Variants in ABLIM1 observed in about 807,000 individuals in gnomAD.
ABLIM1 encodes actin-binding LIM protein 1.
Under a neutral mutation model 107.0 loss-of-function variants are expected in ABLIM1, and 40 were observed. The observed-to-expected ratio is 0.37, with a 90% CI of 0.29 to 0.49. The LOEUF (loss-of-function observed/expected upper bound fraction) is 0.49, where lower values mean the gene tolerates loss of function less well. ABLIM1 is among the 20% of genes least tolerant of loss of function. The pLI is 0.97. For missense variants in ABLIM1, 857 were observed against 1,008.5 expected, an observed-to-expected ratio of 0.85 and a Z score of 2.04; for synonymous variants, 357 against 357.3, an observed-to-expected ratio of 1.00 and a Z score of 0.01.
At chr10:114,472,846 C>A in intron 10 of ABLIM1, 131 bp downstream of exon 10, 1 of 909,714 alleles carries the variant, frequency 1.1e-6, no homozygotes, top group Non-Finnish European at 1.6e-6. Context: ...AGCACCTGGT[C>A]TAGAAATCTG....
chr10:114,559,319 C>CTAGTCGGGTGTGGTG (rs1166323961), intron 4 of ABLIM1, among the ~76,000 whole-genome samples: 2 of 151,536 alleles, frequency 1.3e-5, no homozygotes, highest in South Asian at 2.1e-4. Flanking sequence ...ATTCTGATTT[C>CTAGTCGGGTGTGGTG]TAGTCGGGTG....
At chr10:114,754,988 C>A (rs1481467256) in intron 1 of ABLIM1, among the ~76,000 whole-genome samples, 1 of 152,130 alleles carries the variant, frequency 6.6e-6, no homozygotes, top group Non-Finnish European at 1.5e-5. Flanking sequence ...ATTATTCCTA[C>A]AACTATCCAA....
chr10:114,453,723 C>G (rs763522347), intron 12 of ABLIM1, among the ~76,000 whole-genome samples: 13 of 152,132 alleles, frequency 8.5e-5, no homozygotes, highest in Non-Finnish European at 1.8e-4. Flanking sequence ...CGGTCAGGTG[C>G]GTCATTCCAA....
chr10:114,511,991 G>C (rs1055705096), intron 6 of ABLIM1, among the ~76,000 whole-genome samples: 20 of 152,150 alleles, frequency 1.3e-4, no homozygotes, highest in African/African-American at 4.6e-4. Context: ...TGTCTTCCTG[G>C]AGCAGAAAGA....
rs147019229 is a variant in ABLIM1 at position 114,619,989 on chromosome 10, C to T, written c.245-18028G>A. Among the ~76,000 whole-genome samples, 119 of 152,284 alleles carry T rather than the reference C, an allele frequency of 7.8e-4. No homozygotes were observed. Among genetic ancestry groups the T allele is most frequent in the African/African-American group, 2.6e-3 (106 of 41,560 alleles). On this transcript the variant is annotated intron_variant, in intron 1 of 22. Transcript: ENST00000533213. This position sits in a 1 kb window ranked among gnomAD's most constrained non-coding sequence, Gnocchi z 4.1. ...TCCCGTTGCAAGTGAAGAAACCCAACGTAACCCAAACATACCTATTATCAC... is the reference window on the plus strand; with the variant it reads ...TCCCGTTGCAAGTGAAGAAACCCAATGTAACCCAAACATACCTATTATCAC...
At chr10:114,606,885 C>G (rs1348007213) in intron 1 of ABLIM1, among the ~76,000 whole-genome samples, 2 of 152,202 alleles carry the variant, frequency 1.3e-5, no homozygotes, top group Non-Finnish European at 2.9e-5. Flanking sequence ...ATCCAGACCT[C>G]TTTATACCAG....
chr10:114,581,992 C>G (rs2073435128), intron 2 of ABLIM1, among the ~76,000 whole-genome samples: 1 of 152,074 alleles, frequency 6.6e-6, no homozygotes, highest in African/African-American at 2.4e-5. Flanking sequence ...CTCACCACTC[C>G]ATAGAACTGG....
At chr10:114,646,747 G>A (rs547954780) in intron 1 of ABLIM1, among the ~76,000 whole-genome samples, 10 of 152,278 alleles carry the variant, frequency 6.6e-5, no homozygotes, top group Admixed American at 2.0e-4. Flanking sequence ...GCCACATATA[G>A]AAAAATGAAC....
Position 114,583,468 on chromosome 10 carries a change from CATATATATATATAT to C in ABLIM1, c.380-7883_380-7870del, listed in dbSNP as rs140129654. Among the ~76,000 whole-genome samples, 95 of 15,088 alleles carry C rather than the reference CATATATATATATAT, an allele frequency of 6.3e-3. 2 individuals carry two copies. The highest frequency in any genetic ancestry group is 0.01 in the African/African-American group (42 of 4,166). The allele number at this position is 15,088 out of a possible 152,430, so 9.9% of individuals were successfully genotyped here. A position where few individuals can be genotyped will look rare whatever the true frequency, so the allele number is the denominator to read the frequency against. ...ACACACACACACACACACACACACA[CATATATATATATAT>C]ATATATATATATATATATATATATA... On this transcript the variant is annotated intron_variant, in intron 2 of 22. Coordinates refer to ENST00000533213, the MANE Select transcript of ABLIM1 (RefSeq NM_002313.7).
At chr10:114,506,011 C>T (rs1015014009) in intron 6 of ABLIM1, among the ~76,000 whole-genome samples, 6 of 152,186 alleles carry the variant, frequency 3.9e-5, no homozygotes, top group Admixed American at 1.3e-4. Flanking sequence ...AACCCACTTC[C>T]CCTGTCACCA....
At chr10:114,464,184 A>AG (rs1376560147) in intron 12 of ABLIM1, among the ~76,000 whole-genome samples, 2 of 131,386 alleles carry the variant, frequency 1.5e-5, no homozygotes, top group African/African-American at 5.7e-5. Flanking sequence ...AGCATAAAGG[A>AG]TTTTTTTTTT....
At chr10:114,691,115 G>T (rs137942953) in intron 1 of ABLIM1, among the ~76,000 whole-genome samples, 1 of 152,176 alleles carries the variant, frequency 6.6e-6, no homozygotes, top group East Asian at 1.9e-4. Flanking sequence ...AGAAAACTAA[G>T]CCTAAAGACA....
chr10:114,518,505 T>G (rs986283280), intron 6 of ABLIM1, among the ~76,000 whole-genome samples: 2 of 151,530 alleles, frequency 1.3e-5, no homozygotes, highest in Admixed American at 6.6e-5. Flanking sequence ...ACAGACGTGG[T>G]CCTGTGCCAA....
At chr10:114,439,690 T>C (rs2059927162) in intron 20 of ABLIM1, 2 of 352,970 alleles carry the variant, frequency 5.7e-6, no homozygotes, top group South Asian at 7.0e-5. Context: ...CTCTCTCCTA[T>C]TGGCTAAGAC....
intron 6 of ABLIM1, among the ~76,000 whole-genome samples, chr10:114,526,348 A>G: frequency 6.6e-6 from 1 of 152,294 alleles, no homozygotes; most frequent in South Asian, 2.1e-4. Flanking sequence ...TAGCAGCCTA[A>G]AAAAACATAA....
chr10:114,791,186 A>G, the ABLIM1 span, among the ~76,000 whole-genome samples: 1 of 152,010 alleles, frequency 6.6e-6, no homozygotes, highest in African/African-American at 2.4e-5. Flanking sequence ...GGCTAAACTG[A>G]TCCCGCCACA....
chr10:114,712,026 C>G (rs193195817), intron 1 of ABLIM1, among the ~76,000 whole-genome samples: 2 of 152,096 alleles, frequency 1.3e-5, no homozygotes, highest in Admixed American at 1.3e-4. Context: ...GCCTGGGGGT[C>G]TCCAGGGTGA....
At chr10:114,456,649 G>A (rs913685209) in intron 12 of ABLIM1, among the ~76,000 whole-genome samples, 8 of 152,128 alleles carry the variant, frequency 5.3e-5, no homozygotes, top group Non-Finnish European at 2.9e-5. Context: ...CCAGTGTCAC[G>A]CACACACAAA....
intron 14 of ABLIM1, 130 bp downstream of exon 14, chr10:114,451,494 A>G: frequency 3.6e-6 from 3 of 839,484 alleles, no homozygotes; most frequent in Non-Finnish European, 4.2e-6. Context: ...TAGACCAGAA[A>G]GGCATAATAT....
Sources: allele counts gnomAD v4.1 joint callset (sites outside exome capture counted in the v4.1 genomes callset), GRCh38; gene constraint gnomAD v4.1.1; non-coding constraint Gnocchi (gnomAD v3.1); transcripts MANE v1.5; gene names NCBI Gene and HGNC (gene_info 2026-07-23, HGNC 2026-07-21).